IMMP2L: variants seen among roughly 807,000 people sequenced by gnomAD.
IMMP2L encodes the protein inner mitochondrial membrane peptidase subunit 2.
A neutral mutation model predicts 19.3 loss-of-function variants in IMMP2L; 18 were observed. That is an observed-to-expected ratio of 0.93 (90% CI 0.64 to 1.38). The LOEUF is 1.38. IMMP2L is among the 40% of genes most tolerant of loss of function. The pLI is 0.00. For missense variants in IMMP2L, 233 were observed against 218.2 expected (o/e 1.07, Z -0.43); for synonymous variants, 76 against 73.0 (o/e 1.04, Z -0.21).
intron 3 of IMMP2L, among the ~76,000 whole-genome samples, chr7:111,126,303 C>T (rs972064174): frequency 6.6e-6 from 1 of 152,100 alleles, no homozygotes; most frequent in South Asian, 2.1e-4. Context: ...CAGTCCAACA[C>T]TAAGATTTTA....
chr7:111,010,815 T>C lies in IMMP2L; in HGVS notation c.240-47250A>G, dbSNP rs139837930. 1.7e-3 allele frequency among the ~76,000 whole-genome samples: 266 copies of C among 152,124 alleles called. 1 individual carries two copies. The highest frequency in any genetic ancestry group is 5.3e-3 in the African/African-American group (218 of 41,518). On this transcript the variant is annotated intron_variant, in intron 3 of 5. Coordinates refer to ENST00000405709, the MANE Select transcript of IMMP2L (RefSeq NM_032549.4). The stretch of plus-strand genomic sequence containing the variant: ...GGAAGCACAGAGTTACAATCATAGG[T>C]CATGTTTTGGCCGGAGAAAGGACAT...
At chr7:110,733,419 G>T (rs185209885) in intron 5 of IMMP2L, among the ~76,000 whole-genome samples, 1 of 150,162 alleles carries the variant, frequency 6.7e-6, no homozygotes, top group African/African-American at 2.4e-5. Context: ...AAATTTAGTT[G>T]CAACACTCTA....
At chr7:111,534,061 A>G (rs567918908) in intron 1 of IMMP2L, among the ~76,000 whole-genome samples, 41 of 152,216 alleles carry the variant, frequency 2.7e-4, no homozygotes, top group Non-Finnish European at 5.1e-4. Flanking sequence ...CACTAATAAT[A>G]AAATCAATAT....
At chr7:110,690,950 C>T (rs1584512695) in intron 5 of IMMP2L, among the ~76,000 whole-genome samples, 1 of 152,124 alleles carries the variant, frequency 6.6e-6, no homozygotes, top group East Asian at 1.9e-4. Flanking sequence ...CATCATTTTT[C>T]ACAGAATTAG....
At chr7:111,401,737 G>C (rs376091006) in intron 3 of IMMP2L, among the ~76,000 whole-genome samples, 1 of 151,996 alleles carries the variant, frequency 6.6e-6, no homozygotes, top group Admixed American at 6.6e-5. Context: ...GGTAAACCAC[G>C]GACTGCATAG....
chr7:111,131,895 G>A (rs150002414), intron 3 of IMMP2L, among the ~76,000 whole-genome samples: 76 of 151,592 alleles, frequency 5.0e-4, no homozygotes, highest in African/African-American at 1.6e-3. Context: ...AAAACCAAAT[G>A]ACTCAACACC....
intron 5 of IMMP2L, among the ~76,000 whole-genome samples, chr7:110,778,121 A>C (rs1032288379): frequency 1.3e-5 from 2 of 151,974 alleles, no homozygotes; most frequent in East Asian, 3.9e-4. Flanking sequence ...GAGCTGAAAA[A>C]TATTTTGTCA....
chr7:110,816,843 T>A (rs942700567), intron 5 of IMMP2L, among the ~76,000 whole-genome samples: 5 of 152,092 alleles, frequency 3.3e-5, no homozygotes, highest in Non-Finnish European at 7.4e-5. Context: ...ATCCTTTTAT[T>A]TTGAGCCTAT....
At chr7:111,413,440 A>T (rs1339032051) in intron 3 of IMMP2L, among the ~76,000 whole-genome samples, 1 of 152,160 alleles carries the variant, frequency 6.6e-6, no homozygotes, top group African/African-American at 2.4e-5. Context: ...ACATATAGAC[A>T]TAAAGAAAGA....
chr7:111,553,090 C>T (rs1268525679), intron 1 of IMMP2L, among the ~76,000 whole-genome samples: 4 of 152,102 alleles, frequency 2.6e-5, no homozygotes, highest in Non-Finnish European at 4.4e-5. Flanking sequence ...ATTGCTGACC[C>T]ACAGCAACCA....
intron 3 of IMMP2L, among the ~76,000 whole-genome samples, chr7:111,120,074 G>A (rs1800403418): frequency 6.6e-6 from 1 of 152,154 alleles, no homozygotes; most frequent in African/African-American, 2.4e-5. Flanking sequence ...CAGGAAAATG[G>A]CAGACGGTGA....
intron 3 of IMMP2L, among the ~76,000 whole-genome samples, chr7:111,130,777 T>C (rs1451701969): frequency 6.6e-6 from 1 of 152,068 alleles, no homozygotes; most frequent in Non-Finnish European, 1.5e-5. Context: ...TTCAAAAGAA[T>C]ACGATATAAA....
At chr7:111,419,648 T>C (rs1835295960) in intron 3 of IMMP2L, among the ~76,000 whole-genome samples, 2 of 151,780 alleles carry the variant, frequency 1.3e-5, no homozygotes, top group Non-Finnish European at 2.9e-5. Context: ...ATGTTTATCT[T>C]ACATATGTTT....
chr7:111,101,595 T>C (rs1300401163), intron 3 of IMMP2L, among the ~76,000 whole-genome samples: 1 of 151,362 alleles, frequency 6.6e-6, no homozygotes, highest in Non-Finnish European at 1.5e-5. Context: ...AGAATATACA[T>C]AGGTACAACA....
At chr7:111,506,498 A>T (rs1367969042) in intron 2 of IMMP2L, among the ~76,000 whole-genome samples, 31 of 152,084 alleles carry the variant, frequency 2.0e-4, no homozygotes, top group Admixed American at 2.0e-3. Flanking sequence ...CCCAGGTTCA[A>T]GCGATTCTCC....
rs539886127 is a variant in IMMP2L at position 110,822,959 on chromosome 7, C to T, written c.408+63634G>A. Among the ~76,000 whole-genome samples the T allele has an allele frequency of 1.2e-3, 182 of 152,172 alleles. 1 individual carries two copies. The highest frequency in any genetic ancestry group is 4.1e-3 in the African/African-American group (172 of 41,528). On this transcript the variant is annotated intron_variant, in intron 5 of 5. Coordinates refer to ENST00000405709, the MANE Select transcript of IMMP2L (RefSeq NM_032549.4). ...CACGGGATCTGGCATAGAGAAGGCA[C>T]TCAAGTGTCTGATGAGTAAATAAAT... is the stretch of plus-strand genomic sequence containing the variant.
intron 4 of IMMP2L, among the ~76,000 whole-genome samples, chr7:110,895,835 T>C (rs937256075): frequency 1.3e-5 from 2 of 152,166 alleles, no homozygotes; most frequent in Non-Finnish European, 2.9e-5. Flanking sequence ...TTGTACTACA[T>C]AGGAAGGCAG....
At chr7:110,827,319 C>T (rs561887077) in intron 5 of IMMP2L, among the ~76,000 whole-genome samples, 1 of 152,228 alleles carries the variant, frequency 6.6e-6, no homozygotes, top group South Asian at 2.1e-4. Flanking sequence ...TCCTTGATGT[C>T]CAAGCACACT....
At chr7:110,973,380 C>A (rs1407855650) in intron 3 of IMMP2L, among the ~76,000 whole-genome samples, 6 of 152,016 alleles carry the variant, frequency 3.9e-5, no homozygotes, top group Non-Finnish European at 5.9e-5. Context: ...AAAGAAATCC[C>A]TTTCCAAAAA....
Sources: gnomAD v4.1 joint callset for allele counts (sites outside exome capture counted in the v4.1 genomes callset) on GRCh38, gnomAD v4.1.1 for gene constraint, MANE v1.5 for transcripts, NCBI Gene and HGNC (gene_info 2026-07-23, HGNC 2026-07-21) for gene names.